The following NACA variants were observed in gnomAD, a reference collection of about 807,000 sequenced individuals.
NACA encodes the protein nascent polypeptide associated complex subunit alpha.
NACA carries 42 observed loss-of-function variants against 86.4 expected under a neutral mutation model. The observed-to-expected ratio is 0.49, with a 90% CI of 0.38 to 0.63. The LOEUF (loss-of-function observed/expected upper bound fraction) is 0.63, where lower values mean the gene tolerates loss of function less well. Among genes scored for constraint, NACA ranks in the 20% least tolerant of loss-of-function variants. NACA has a pLI of 0.00. For synonymous variants in NACA, 898 were observed against 973.7 expected, an observed-to-expected ratio of 0.92 and a Z score of 1.45; for missense variants, 2,157 against 2,483.6, an observed-to-expected ratio of 0.87 and a Z score of 2.80.
rs368385711 is a variant in NACA, at chr12:56,717,721, G to A, written c.3809C>T (p.Thr1270Ile). 16 of 1,153,806 alleles carry A rather than the reference G, an allele frequency of 1.4e-5. No homozygotes were observed. In the Admixed American group the frequency reaches 2.2e-4, roughly 16 times the overall value. 71.5% of individuals were successfully genotyped at this position (1,153,806 alleles called of 1,614,324 possible). ...TAGACCTCCTTTTAGGGAGGGAGGA[G>A]TTGCAGCTGGGGGAGTGGGGGCCCC... ...PKGAPTPPAATPPSLKGGLAT... is the reference protein window; with the variant it reads ...PKGAPTPPAAIPPSLKGGLAT... Residue 1270 changes from threonine (T) to isoleucine (I), a missense_variant, in exon 3 of 9, where the codon ACT becomes ATT. Coordinates refer to ENST00000454682, the MANE Select transcript of NACA (RefSeq NM_001365896.1).
rs1247394713 is a variant in NACA at position 56,718,879 on chromosome 12, TCTTTGGGGGGTAGTGTTACTC to T, written c.2630_2650del (p.Gly877_Lys883del). On this transcript the variant is annotated inframe_deletion, in exon 3 of 9. Coordinates refer to ENST00000454682, the MANE Select transcript of NACA (RefSeq NM_001365896.1). ...ATTCACCACTGAAGGAGTGGGGGTC[TCTTTGGGGGGTAGTGTTACTC>T]CTTTGGGAGACAGAGGAGTCACAGC... 7.2e-7 allele frequency: 1 copy of T among 1,393,104 alleles called. No individual in the cohort carries two copies. The highest frequency in any genetic ancestry group is 1.6e-5 in the African/African-American group (1 of 63,246). 86.3% of individuals were successfully genotyped at this position (1,393,104 alleles called of 1,614,324 possible).
chr12:56,721,320 G>A lies in NACA; in HGVS notation c.210C>T (p.Pro70=), dbSNP rs778408573. 1 of 1,612,126 alleles carries A rather than the reference G, an allele frequency of 6.2e-7. No individual in the cohort carries two copies. The highest frequency in any genetic ancestry group is 8.5e-7 in the Non-Finnish European group (1 of 1,179,080). The change falls in exon 3 of 9, where the codon CCC becomes CCT. Residue 70 remains proline (P), a synonymous_variant. Transcript: ENST00000454682. The part of the protein sequence containing the change: ...AANQASPFPS[P]STIASTPLEV... Reference sequence around the variant, plus strand: ...CTAAAGGGGTCGAGGCAATAGTAGAGGGGGAAGGGAATGGGGAAGCCTGGT... The same window carrying A: ...CTAAAGGGGTCGAGGCAATAGTAGAAGGGGAAGGGAATGGGGAAGCCTGGT...
chr12:56,724,689 T>C, intron 1 of NACA, 166 bp from the exon 2 acceptor site: 1 of 655,206 alleles, frequency 1.5e-6, no homozygotes, highest in Non-Finnish European at 2.6e-6. Flanking sequence ...GAGGTAAATA[T>C]GATGTGACCC....
intron 5 of NACA, 104 bp downstream of exon 5, chr12:56,714,258 G>T: frequency 8.1e-7 from 1 of 1,234,998 alleles, no homozygotes; most frequent in Non-Finnish European, 1.2e-6. Flanking sequence ...GAACTTACTT[G>T]TATAACCAAA....
rs200794039 is a variant in NACA at position 56,716,119 on chromosome 12, G to A, written c.5411C>T (p.Pro1804Leu). ...PSPPVSLPLA[P>L]SPVPTLPPKQ... The stretch of plus-strand genomic sequence containing the variant: ...AGGAGGCAGAGTGGGAACTGGGGAG[G>A]GAGCAAGAGGCAGAGAGACTGGTGG... The change falls in exon 3 of 9, where the codon CCC becomes CTC. Residue 1804 changes from proline (P) to leucine (L), a missense_variant. This residue lies in a region of NACA where 797 missense variants were observed against 777.6 expected (regional missense o/e 1.02). Transcript: ENST00000454682. 6.2e-7 allele frequency: 1 copy of A among 1,613,446 alleles called. No individual in the cohort carries two copies. Among genetic ancestry groups the A allele is most frequent in the South Asian group, 1.1e-5 (1 of 91,062 alleles).
chr12:56,713,487 G>A, intron 6 of NACA, 50 bp downstream of exon 6: 1 of 1,597,378 alleles, frequency 6.3e-7, no homozygotes, highest in Middle Eastern at 1.7e-4. Context: ...CAGCAGTGCT[G>A]AGGTTGAGAA....
At chr12:56,722,164 A>G (rs192557798) in intron 2 of NACA, among the ~76,000 whole-genome samples, 2 of 152,350 alleles carry the variant, frequency 1.3e-5, no homozygotes, top group East Asian at 3.9e-4. Flanking sequence ...TAGCTTCTTT[A>G]TACCTTACCA....
chr12:56,712,882 C>T lies in NACA; in HGVS notation c.6126G>A (p.Lys2042=). 1 of 1,614,172 alleles carries T rather than the reference C, an allele frequency of 6.2e-7. No individual in the cohort carries two copies. Among genetic ancestry groups the T allele is most frequent in the South Asian group, 1.1e-5 (1 of 91,088 alleles). The part of the protein sequence containing the change: ...EEVDETGVEV[K]DIELVMSQAN... The stretch of plus-strand genomic sequence containing the variant: ...CTTGTGACATGACCAATTCAATGTC[C>T]TTAACTTCTACACCTGTTTCATCGA... The change falls in exon 8 of 9, where the codon AAG becomes AAA. Residue 2042 remains lysine, a synonymous_variant. Transcript: ENST00000454682.
rs1953391518 is a variant in NACA, at chr12:56,717,020, T to G, written c.4510A>C (p.Thr1504Pro). The change falls in exon 3 of 9, where the codon ACT becomes CCT. Residue 1504 changes from threonine (T) to proline (P), a missense_variant. Physicochemically the swap from Thr to Pro is conservative, Grantham distance 38 (BLOSUM62 -1). This residue lies in a region of NACA where 797 missense variants were observed against 777.6 expected (regional missense o/e 1.02). Transcript: ENST00000454682. ...GAAGAAGGAATCACAGCTGGCAGAG[T>G]GGGGGCCCCCATGGGGGCTGGAGTT... ...PATPAPMGAP[T>P]LPAVIPSSPK... 4.2e-6 allele frequency: 5 copies of G among 1,180,398 alleles called. No homozygotes were observed. The highest frequency in any genetic ancestry group is 4.2e-6 in the Non-Finnish European group (4 of 943,380). The allele number at this position is 1,180,398 out of a possible 1,614,324, so 73.1% of individuals were successfully genotyped here. A position where few individuals can be genotyped will look rare whatever the true frequency, so the allele number is the denominator to read the frequency against.
intron 2 of NACA, 37 bp from the exon 3 acceptor site, chr12:56,721,496 G>A (rs764541118): frequency 4.3e-6 from 6 of 1,390,960 alleles, no homozygotes; most frequent in Non-Finnish European, 5.7e-6. Context: ...AAAGGGGGAG[G>A]GGGAGGAGAA....
chr12:56,718,832 G>A lies in NACA; in HGVS notation c.2698C>T (p.Pro900Ser). Residue 900 changes from proline to serine, a missense_variant, in exon 3 of 9, where the codon CCA (proline) becomes TCA (serine). Around this residue, in one of 8 missense-constraint regions of NACA, gnomAD observed 174 missense variants for 217.0 expected, o/e 0.80. Coordinates refer to ENST00000454682, the MANE Select transcript of NACA (RefSeq NM_001365896.1). Reference sequence around the variant, plus strand: ...GCCTGTTTGGGTGCTGGAGTAGCTGGACCCTCTTTGGGGAAGGGCAGATTC... The same window carrying A: ...GCCTGTTTGGGTGCTGGAGTAGCTGAACCCTCTTTGGGGAAGGGCAGATTC... ...VVNLPFPKEGPATPAPKQAPA... is the reference protein window; with the variant it reads ...VVNLPFPKEGSATPAPKQAPA... The A allele has an allele frequency of 7.0e-7, 1 of 1,438,510 alleles. No homozygotes were observed. Among genetic ancestry groups the A allele is most frequent in the South Asian group, 1.1e-5 (1 of 88,058 alleles). The allele number at this position is 1,438,510 out of a possible 1,614,324, so 89.1% of individuals were successfully genotyped here. A position where few individuals can be genotyped will look rare whatever the true frequency, so the allele number is the denominator to read the frequency against.
At position 56,719,353 on chromosome 12, in the gene NACA, A is replaced by G. The variant is rs376486851; in HGVS notation, c.2177T>C (p.Leu726Pro). The G allele has an allele frequency of 1.1e-5, 17 of 1,609,310 alleles. No individual in the cohort carries two copies. In the East Asian group the frequency reaches 1.6e-4, roughly 15 times the overall value. Residue 726 changes from leucine (L) to proline (P), a missense_variant, in exon 3 of 9, where the codon CTG becomes CCG. Transcript: ENST00000454682. ...NTCAPLATLV[L>P]APEIPKSVPS... The stretch of plus-strand genomic sequence containing the variant: ...CACAGACTTTGGGATTTCAGGGGCC[A>G]GCACTAAGGTAGCCAGAGGAGCACA...
chr12:56,717,868 G>A lies in NACA; in HGVS notation c.3662C>T (p.Pro1221Leu), dbSNP rs1953431022. 9.0e-7 allele frequency: 1 copy of A among 1,108,064 alleles called. No homozygotes were observed. Among genetic ancestry groups the A allele is most frequent in the Admixed American group, 3.9e-5 (1 of 25,436 alleles). The allele number at this position is 1,108,064 out of a possible 1,614,324, so 68.6% of individuals were successfully genotyped here. The change falls in exon 3 of 9, where the codon CCA becomes CTA. Residue 1221 changes from proline to leucine, a missense_variant. This residue lies in a region of NACA where 10 missense variants were observed against 129.4 expected (regional missense o/e 0.08). Coordinates refer to ENST00000454682, the MANE Select transcript of NACA (RefSeq NM_001365896.1). ...TTTTGGGGAGGGAGGAGTTGCAGCT[G>A]GGGTTGTGGGGGCCCCTTTGGGGGA... is the stretch of plus-strand genomic sequence containing the variant. ...TPSPKGAPTT[P>L]AATPPSPKGG... is the part of the protein sequence containing the mutation.
chr12:56,720,780 G>A lies in NACA; in HGVS notation c.750C>T (p.Thr250=), dbSNP rs1953550567. 1 of 1,614,016 alleles carries A rather than the reference G, an allele frequency of 6.2e-7. No individual in the cohort carries two copies. Among genetic ancestry groups the A allele is most frequent in the Non-Finnish European group, 8.5e-7 (1 of 1,179,906 alleles). ...GTGGAGAAATCAGAACTGAGGAAAT[G>A]GTGGTATCTTTGACTTGAGGGGAAG... ...AIASPQVKDT[T]ISSVLISPQN... Residue 250 remains threonine, a synonymous_variant, in exon 3 of 9, where the codon ACC becomes ACT. Transcript: ENST00000454682.
At position 56,717,681 on chromosome 12, in the gene NACA, G is replaced by A; in HGVS notation, c.3849C>T (p.His1283=). 8.5e-7 allele frequency: 1 copy of A among 1,175,430 alleles called. No homozygotes were observed. The highest frequency in any genetic ancestry group is 1.1e-6 in the Non-Finnish European group (1 of 934,604). The allele number at this position is 1,175,430 out of a possible 1,614,324, so 72.8% of individuals were successfully genotyped here. ...CAACTGCGGGATTGGGGGCCCCTTT[G>A]TGGGGTGGGGTAGCTAGACCTCCTT... is the stretch of plus-strand genomic sequence containing the variant. The part of the protein sequence containing the change: ...SLKGGLATPP[H]KGAPNPAVVT... The change falls in exon 3 of 9, where the codon CAC becomes CAT. Residue 1283 remains histidine (H), a synonymous_variant. Coordinates refer to ENST00000454682, the MANE Select transcript of NACA (RefSeq NM_001365896.1).
chr12:56,719,372 G>C lies in NACA; in HGVS notation c.2158C>G (p.Pro720Ala), dbSNP rs1352132594. 1 of 1,610,604 alleles carries C rather than the reference G, an allele frequency of 6.2e-7. No individual in the cohort carries two copies. Among genetic ancestry groups the C allele is most frequent in the Non-Finnish European group, 8.5e-7 (1 of 1,178,360 alleles). Residue 720 changes from proline (P) to alanine (A), a missense_variant, in exon 3 of 9, where the codon CCT (proline) becomes GCT (alanine). Coordinates refer to ENST00000454682, the MANE Select transcript of NACA (RefSeq NM_001365896.1). ...GGGGCCAGCACTAAGGTAGCCAGAG[G>C]AGCACAGGTATTCTGGGGGGATGGA... ...VAPSPQNTCA[P>A]LATLVLAPEI... is the part of the protein sequence containing the mutation.
Position 56,717,096 on chromosome 12 carries a change from G to C in NACA, c.4434C>G (p.Pro1478=). 7.9e-7 allele frequency: 1 copy of C among 1,268,676 alleles called. No homozygotes were observed. The highest frequency in any genetic ancestry group is 1.0e-6 in the Non-Finnish European group (1 of 989,036). 78.6% of individuals were successfully genotyped at this position (1,268,676 alleles called of 1,614,324 possible). The change falls in exon 3 of 9, where the codon CCC becomes CCG. Residue 1478 remains proline (P), a synonymous_variant. Transcript: ENST00000454682. Reference sequence around the variant, plus strand: ...AAGTGGCAACTTGTTTGGGGGCTGGGGGCTCCTTGGGGGAAGGAGGAGTCA... The same window carrying C: ...AAGTGGCAACTTGTTTGGGGGCTGGCGGCTCCTTGGGGGAAGGAGGAGTCA... ...PAVTPPSPKE[P]PAPKQVATSS...
Position 56,715,870 on chromosome 12 carries a change from C to T in NACA, c.5659+1G>A. On this transcript the variant is annotated splice_donor_variant, in intron 3 of 8. Coordinates refer to ENST00000454682, the MANE Select transcript of NACA (RefSeq NM_001365896.1). LOFTEE classifies it high-confidence loss of function. ...TGCACACGGCAAACCAAGGCAAATA[C>T]CCTTGTTGTTCTTCGTAACAGGTTG... 3 of 1,513,716 alleles carry T rather than the reference C, an allele frequency of 2.0e-6. No homozygotes were observed. Among genetic ancestry groups the T allele is most frequent in the Non-Finnish European group, 2.7e-6 (3 of 1,131,494 alleles). The allele number at this position is 1,513,716 out of a possible 1,614,324, so 93.8% of individuals were successfully genotyped here. A position where few individuals can be genotyped will look rare whatever the true frequency, so the allele number is the denominator to read the frequency against.
Position 56,719,215 on chromosome 12 carries a change from G to T in NACA, c.2315C>A (p.Thr772Asn), listed in dbSNP as rs372899081. The T allele has an allele frequency of 3.3e-6, 5 of 1,497,780 alleles. No individual in the cohort carries two copies. The highest frequency in any genetic ancestry group is 4.5e-6 in the Non-Finnish European group (5 of 1,105,474). 92.8% of individuals were successfully genotyped at this position (1,497,780 alleles called of 1,614,324 possible). A position where few individuals can be genotyped will look rare whatever the true frequency, so the allele number is the denominator to read the frequency against. ...PVASSPKECP[T>N]EDSGASATAS... ...AGTAGCAGAAGCACCAGAGTCCTCAGTTGGGCACTCTTTGGGAGAGGAAGC... is the reference window on the plus strand; with the variant it reads ...AGTAGCAGAAGCACCAGAGTCCTCATTTGGGCACTCTTTGGGAGAGGAAGC... The change falls in exon 3 of 9, where the codon ACT becomes AAT. Residue 772 changes from threonine (T) to asparagine (N), a missense_variant. This residue lies in a region of NACA where 947 missense variants were observed against 917.9 expected (regional missense o/e 1.03). Coordinates refer to ENST00000454682, the MANE Select transcript of NACA (RefSeq NM_001365896.1).
Sources: gnomAD v4.1 joint callset for allele counts (sites outside exome capture counted in the v4.1 genomes callset) on GRCh38, gnomAD v4.1.1 for gene constraint, gnomAD v4.1.1 regional missense constraint, MANE v1.5 for transcripts, NCBI Gene and HGNC (gene_info 2026-07-23, HGNC 2026-07-21) for gene names.